Variants in ASMTL observed in about 807,000 individuals in gnomAD.
ASMTL encodes probable bifunctional dTTP/UTP pyrophosphatase/methyltransferase protein.
ASMTL carries 57 observed loss-of-function variants against 60.3 expected under a neutral mutation model. That is an observed-to-expected ratio of 0.95 (90% CI 0.76 to 1.18). The LOEUF is 1.18. Ranked by LOEUF, ASMTL falls within the 50% of genes most tolerant of loss-of-function variation. The pLI is 0.00. For synonymous variants in ASMTL, 419 were observed against 373.0 expected (o/e 1.12, Z -1.42); for missense variants, 981 against 852.6 (o/e 1.15, Z -1.88).
chrX:1,449,598 A>T (rs2091303704), intron 1 of ASMTL, among the ~76,000 whole-genome samples: 2 of 151,602 alleles, frequency 1.3e-5, no homozygotes, highest in Non-Finnish European at 2.9e-5. Flanking sequence ...CTACCCTACC[A>T]TCACCAGTAA....
intron 8 of ASMTL, among the ~76,000 whole-genome samples, chrX:1,422,103 G>A (rs376991499): frequency 6.6e-6 from 1 of 152,176 alleles, no homozygotes. Context: ...GTCAACTGCT[G>A]TAACTGTTAC....
intron 7 of ASMTL, among the ~76,000 whole-genome samples, chrX:1,427,224 C>G (rs4604638): frequency 0.64 from 95,274 of 149,302 alleles, 31,102 homozygotes; most frequent in East Asian, 0.82. Flanking sequence ...CCCCCAGGAG[C>G]TGGGAGAGGC....
intron 1 of ASMTL, among the ~76,000 whole-genome samples, chrX:1,448,731 T>C (rs1381904337): frequency 6.7e-6 from 1 of 148,516 alleles, no homozygotes; most frequent in Non-Finnish European, 1.5e-5. Flanking sequence ...ACACACACCA[T>C]CTGGGACACA....
At chrX:1,432,077 C>G (rs4472701) in intron 6 of ASMTL, 192 bp downstream of exon 6, 385,446 of 603,350 alleles carry the variant, frequency 0.64, 123,986 homozygotes, top group South Asian at 0.73. Context: ...TGGGAGTTTG[C>G]CTCTTTGAGC....
chrX:1,440,524 A>G (rs1392271045), intron 2 of ASMTL, among the ~76,000 whole-genome samples: 1 of 152,272 alleles, frequency 6.6e-6, no homozygotes, highest in Non-Finnish European at 1.5e-5. Context: ...ACACAGTAAT[A>G]GCTATGTTAA....
At chrX:1,441,652 C>T (rs1447692600) in intron 2 of ASMTL, 3 of 152,162 alleles carry the variant, frequency 2.0e-5, no homozygotes, top group Non-Finnish European at 2.9e-5. Flanking sequence ...AAATCAATTG[C>T]AAGAGAATAT....
chrX:1,438,583 G>A (rs748983501), intron 3 of ASMTL, among the ~76,000 whole-genome samples: 4 of 152,186 alleles, frequency 2.6e-5, no homozygotes, highest in East Asian at 3.9e-4. Flanking sequence ...GCGCGATCTC[G>A]GCTCACTGCA....
Position 1,439,019 on chromosome X carries a change from C to A in ASMTL, c.273+78G>T, listed in dbSNP as rs562515705. The A allele has an allele frequency of 4.1e-6, 6 of 1,463,914 alleles. No individual in the cohort carries two copies. The African/African-American group carries it at 8.3e-5, about 20-fold the overall frequency. The allele number at this position is 1,463,914 out of a possible 1,614,324, so 90.7% of individuals were successfully genotyped here. On this transcript the variant is annotated intron_variant, in intron 3 of 12. Coordinates refer to ENST00000381317, the MANE Select transcript of ASMTL (RefSeq NM_004192.4). Reference sequence around the variant, plus strand: ...CTGCTGTCTTAAGGGGAATGTACAACATCCACAAGAGGCAGAATCACCAAG... The same window carrying A: ...CTGCTGTCTTAAGGGGAATGTACAAAATCCACAAGAGGCAGAATCACCAAG...
intron 11 of ASMTL, 163 bp downstream of exon 11, chrX:1,417,802 CACAGAGAG>C (rs374855662): frequency 2.6e-5 from 7 of 271,666 alleles, no homozygotes; most frequent in African/African-American, 2.1e-4. Flanking sequence ...CACACATGCA[CACAGAGAG>C]ACACACACAC....
At chrX:1,435,168 G>T in intron 4 of ASMTL, 85 bp from the exon 5 acceptor site, 2 of 1,402,534 alleles carry the variant, frequency 1.4e-6, no homozygotes, top group Non-Finnish European at 2.0e-6. Flanking sequence ...AGGGGAGGCA[G>T]CGAGGCGTCC....
At chrX:1,440,117 C>G (rs376417290) in intron 2 of ASMTL, among the ~76,000 whole-genome samples, 1 of 149,998 alleles carries the variant, frequency 6.7e-6, no homozygotes, top group Non-Finnish European at 1.5e-5. Flanking sequence ...GATGGAGTCT[C>G]GCTCTGTCGC....
At chrX:1,422,889 C>G (rs1165605768) in intron 8 of ASMTL, among the ~76,000 whole-genome samples, 1 of 152,164 alleles carries the variant, frequency 6.6e-6, no homozygotes, top group Admixed American at 6.5e-5. Context: ...GGAGTTGGAA[C>G]AAGCTTGCAT....
At chrX:1,420,924 C>T (rs1306511834) in intron 9 of ASMTL, among the ~76,000 whole-genome samples, 1 of 151,692 alleles carries the variant, frequency 6.6e-6, no homozygotes, top group African/African-American at 2.4e-5. Context: ...CTGGGCCTCC[C>T]AAAGTAGCTG....
chrX:1,449,948 A>G (rs377003291), intron 1 of ASMTL, among the ~76,000 whole-genome samples: 3 of 133,438 alleles, frequency 2.2e-5, no homozygotes, highest in East Asian at 4.7e-4. Flanking sequence ...CCACCAGTAA[A>G]TATGCCCCAT....
chrX:1,445,994 G>A (rs1296532003), intron 1 of ASMTL, among the ~76,000 whole-genome samples: 1 of 152,022 alleles, frequency 6.6e-6, no homozygotes, highest in Non-Finnish European at 1.5e-5. Flanking sequence ...AGTCAGACCC[G>A]CCCGCAGTTA....
rs1228208308 is a variant in ASMTL, at chrX:1,416,009, G to GCA, written c.1522+1962_1522+1963dup. 7.0e-4 allele frequency among the ~76,000 whole-genome samples: 99 copies of GCA among 141,874 alleles called. No individual in the cohort carries two copies. In the East Asian group the frequency reaches 9.4e-3, roughly 13 times the overall value. 93.1% of individuals were successfully genotyped at this position (141,874 alleles called of 152,430 possible). ...TGGACACACAGATACAGCAAGACAG[G>GCA]CACACACACACACACGGACACAGAT... On this transcript the variant is annotated intron_variant, in intron 11 of 12. Coordinates refer to ENST00000381317, the MANE Select transcript of ASMTL (RefSeq NM_004192.4).
Position 1,412,756 on chromosome X carries a change from T to G in ASMTL, c.1621A>C (p.Arg541=), listed in dbSNP as rs1381989237. The change falls in exon 12 of 13, where the codon AGG becomes CGG. Residue 541 remains arginine (R), a synonymous_variant. Transcript: ENST00000381317. ...CCTGGCTTGCAGCTCTCGGCGACCCTGCTGAGTAACTTGTGGACTTTGTCG... is the reference window on the plus strand; with the variant it reads ...CCTGGCTTGCAGCTCTCGGCGACCCGGCTGAGTAACTTGTGGACTTTGTCG... ...PDDKVHKLLS[R]VAESCKPGAG... 3 of 1,613,858 alleles carry G rather than the reference T, an allele frequency of 1.9e-6. No homozygotes were observed. Among genetic ancestry groups the G allele is most frequent in the Non-Finnish European group, 2.5e-6 (3 of 1,179,876 alleles).
At chrX:1,444,312 G>A (rs777335272) in intron 1 of ASMTL, among the ~76,000 whole-genome samples, 68 of 151,356 alleles carry the variant, frequency 4.5e-4, no homozygotes, top group African/African-American at 1.5e-3. Context: ...AGGATCAAGC[G>A]ATTCTCCTGC....
At chrX:1,436,050 G>A (rs1471959191) in intron 3 of ASMTL, among the ~76,000 whole-genome samples, 10 of 152,108 alleles carry the variant, frequency 6.6e-5, no homozygotes, top group South Asian at 2.1e-4. Context: ...TTCACCGTGC[G>A]TTTGCCTGTT....
Sources: allele counts gnomAD v4.1 joint callset (sites outside exome capture counted in the v4.1 genomes callset), GRCh38; gene constraint gnomAD v4.1.1; transcripts MANE v1.5; gene names NCBI Gene and HGNC (gene_info 2026-07-23, HGNC 2026-07-21).